The following VPS13B variants were observed in gnomAD, a reference collection of about 807,000 sequenced individuals.
VPS13B encodes the protein intermembrane lipid transfer protein VPS13B.
VPS13B carries 285 observed loss-of-function variants against 426.4 expected under a neutral mutation model. The ratio of observed to expected loss-of-function variants is 0.67; its 90% CI spans 0.61 to 0.74. VPS13B has a LOEUF of 0.74. VPS13B is among the 30% of genes least tolerant of loss of function. The pLI is 0.00. For missense variants in VPS13B, 4,537 were observed against 4,782.6 expected (o/e 0.95, Z 1.51); for synonymous variants, 1,676 against 1,676.4 (o/e 1.00, Z 0.01).
chr8:99,833,737 G>A lies in VPS13B; in HGVS notation c.9614+1085G>A, dbSNP rs1815220259. On this transcript the variant is annotated intron_variant, in intron 52 of 61. Transcript: ENST00000357162. ...AACAAAATTTGAAACAAAACAATTTGGAAATTAAGCTTAAAATTCTGATAA... is the reference window on the plus strand; with the variant it reads ...AACAAAATTTGAAACAAAACAATTTAGAAATTAAGCTTAAAATTCTGATAA... Among the ~76,000 whole-genome samples, 2 of 152,092 alleles carry A rather than the reference G, an allele frequency of 1.3e-5. 1 individual carries two copies. Among genetic ancestry groups the A allele is most frequent in the South Asian group, 4.1e-4 (2 of 4,826 alleles).
At chr8:99,539,037 G>C (rs1007833264) in intron 30 of VPS13B, among the ~76,000 whole-genome samples, 1 of 152,088 alleles carries the variant, frequency 6.6e-6, no homozygotes, top group African/African-American at 2.4e-5. Context: ...CCATAAGAAA[G>C]TATTTCACCA....
chr8:99,657,620 T>C (rs924565676), intron 34 of VPS13B, among the ~76,000 whole-genome samples: 2 of 152,162 alleles, frequency 1.3e-5, no homozygotes, highest in African/African-American at 4.8e-5. Context: ...ATTCTCGTTA[T>C]CAGTAGCATA....
chr8:99,410,533 GA>G (rs972983842), intron 21 of VPS13B, among the ~76,000 whole-genome samples: 3 of 146,170 alleles, frequency 2.1e-5, no homozygotes, highest in African/African-American at 7.7e-5. Flanking sequence ...TGTGTTACCA[GA>G]ATTATTTATT....
intron 19 of VPS13B, among the ~76,000 whole-genome samples, chr8:99,328,934 C>T (rs2133149285): frequency 6.6e-6 from 1 of 152,188 alleles, no homozygotes; most frequent in East Asian, 1.9e-4. Flanking sequence ...ACATTCTACT[C>T]CACAATGCAT....
chr8:99,633,993 G>A (rs1219404566), intron 33 of VPS13B, among the ~76,000 whole-genome samples: 1 of 151,960 alleles, frequency 6.6e-6, no homozygotes, highest in African/African-American at 2.4e-5. Flanking sequence ...GAACGGAACA[G>A]AGAATGAGAA....
Position 99,062,362 on chromosome 8 carries a change from G to C in VPS13B, c.291+23796G>C, listed in dbSNP as rs149065923. ...GTGCGTCAAAACCAATAAGAGATTA[G>C]ATATGCCTTTACAAAACACAATAAA... On this transcript the variant is annotated intron_variant, in intron 3 of 61. Transcript: ENST00000357162. Among the ~76,000 whole-genome samples the C allele has an allele frequency of 1.8e-3, 278 of 152,278 alleles. 2 individuals carry two copies. Among genetic ancestry groups the C allele is most frequent in the African/African-American group, 6.3e-3 (262 of 41,550 alleles).
At chr8:99,018,575 T>C (rs904658455) in intron 2 of VPS13B, among the ~76,000 whole-genome samples, 2 of 152,242 alleles carry the variant, frequency 1.3e-5, no homozygotes, top group Non-Finnish European at 2.9e-5. Context: ...TTCTATCCAA[T>C]ACTTGTATCT....
chr8:99,699,131 C>CTTTTT (rs370004663), intron 35 of VPS13B, among the ~76,000 whole-genome samples: 6 of 90,552 alleles, frequency 6.6e-5, no homozygotes, highest in East Asian at 3.6e-4. Flanking sequence ...TAAGGAAAGT[C>CTTTTT]TTTTTTTTTT....
chr8:99,589,372 C>T (rs780300482), intron 33 of VPS13B, among the ~76,000 whole-genome samples: 78 of 151,602 alleles, frequency 5.1e-4, no homozygotes, highest in Non-Finnish European at 1.0e-3. Flanking sequence ...AACCCCACAA[C>T]AGTCCCCAGT....
intron 40 of VPS13B, among the ~76,000 whole-genome samples, chr8:99,776,217 A>G (rs1811733488): frequency 6.6e-6 from 1 of 152,184 alleles, no homozygotes; most frequent in South Asian, 2.1e-4. Context: ...AACAGAACAA[A>G]TGGCCCGTAA....
In VPS13B at chr8:99,845,290, C is replaced by A. The variant is rs112818708; in HGVS notation, c.9943-3486C>A. Among the ~76,000 whole-genome samples, 353 of 152,202 alleles carry A rather than the reference C, an allele frequency of 2.3e-3. 1 individual carries two copies. The highest frequency in any genetic ancestry group is 8.1e-3 in the African/African-American group (337 of 41,504). On this transcript the variant is annotated intron_variant, in intron 54 of 61. Coordinates refer to ENST00000357162, the MANE Select transcript of VPS13B (RefSeq NM_152564.5). ...CTCAGGGGGTTTTGTTCTACATGGT[C>A]ACTCAGGGACCCAGGTTGAGGGAAA...
rs75727014 is a variant in VPS13B, at chr8:99,477,680, T to G, written c.3667-3919T>G. Among the ~76,000 whole-genome samples, 92 of 152,344 alleles carry G rather than the reference T, an allele frequency of 6.0e-4. 2 individuals carry two copies. In the East Asian group the frequency reaches 0.016, roughly 26 times the overall value. The stretch of plus-strand genomic sequence containing the variant: ...GCCTAGATAGAGTACCTTCATGTAG[T>G]TAATGTACTTTAAAAATAGAGAAGG... On this transcript the variant is annotated intron_variant, in intron 24 of 61. Coordinates refer to ENST00000357162, the MANE Select transcript of VPS13B (RefSeq NM_152564.5).
In VPS13B at chr8:99,556,511, C is replaced by A; in HGVS notation, c.4807C>A (p.Gln1603Lys). 1 of 1,613,006 alleles carries A rather than the reference C, an allele frequency of 6.2e-7. No individual in the cohort carries two copies. Among genetic ancestry groups the A allele is most frequent in the Non-Finnish European group, 8.5e-7 (1 of 1,179,512 alleles). The change falls in exon 31 of 62, where the codon CAA becomes AAA. Residue 1603 changes from glutamine (Q) to lysine (K), a missense_variant. Transcript: ENST00000357162. ...ATCAGAAATCGAAGACAGACAATACCAAATAGATCTGCAGTCCATCAATAT... is the reference window on the plus strand; with the variant it reads ...ATCAGAAATCGAAGACAGACAATACAAAATAGATCTGCAGTCCATCAATAT... ...PGSEIEDRQY[Q>K]IDLQSINIGT...
At chr8:99,113,466 T>A (rs1459868291) in intron 6 of VPS13B, among the ~76,000 whole-genome samples, 1 of 152,166 alleles carries the variant, frequency 6.6e-6, no homozygotes, top group African/African-American at 2.4e-5. Flanking sequence ...CCATCATTCT[T>A]CCAAGTCCTA....
chr8:99,578,965 C>T (rs968612112), intron 33 of VPS13B, among the ~76,000 whole-genome samples: 1 of 152,130 alleles, frequency 6.6e-6, no homozygotes, highest in African/African-American at 2.4e-5. Context: ...TCATTACTGA[C>T]AATTCCGTAA....
intron 33 of VPS13B, among the ~76,000 whole-genome samples, chr8:99,627,435 A>T (rs1588564529): frequency 6.6e-6 from 1 of 152,070 alleles, no homozygotes; most frequent in Non-Finnish European, 1.5e-5. Flanking sequence ...TATTTATTTG[A>T]GGTGGAATCT....
intron 17 of VPS13B, among the ~76,000 whole-genome samples, chr8:99,257,780 G>T (rs952505328): frequency 6.7e-6 from 1 of 150,080 alleles, no homozygotes; most frequent in African/African-American, 2.4e-5. Context: ...TTTGATTTTT[G>T]CCCTAATGCT....
intron 19 of VPS13B, among the ~76,000 whole-genome samples, chr8:99,356,207 GA>G (rs1261377508): frequency 6.6e-6 from 1 of 152,090 alleles, no homozygotes; most frequent in Non-Finnish European, 1.5e-5. Context: ...ATACCTTTGT[GA>G]CTATGTTTCT....
At chr8:99,808,818 C>T (rs1813548569) in intron 43 of VPS13B, among the ~76,000 whole-genome samples, 1 of 150,946 alleles carries the variant, frequency 6.6e-6, no homozygotes, top group Admixed American at 6.6e-5. Flanking sequence ...AGAACAAATA[C>T]ATCATATCTT....
Sources: allele counts gnomAD v4.1 joint callset (sites outside exome capture counted in the v4.1 genomes callset), GRCh38; gene constraint gnomAD v4.1.1; transcripts MANE v1.5; gene names NCBI Gene and HGNC (gene_info 2026-07-23, HGNC 2026-07-21).